DOCK11: variants seen among roughly 807,000 people sequenced by gnomAD.
The protein encoded by DOCK11 is dedicator of cytokinesis 11, also known as dedicator of cytokinesis protein 11.
A neutral mutation model predicts 169.1 loss-of-function variants in DOCK11; 70 were observed. That is an observed-to-expected ratio of 0.41 (90% CI 0.34 to 0.51). The LOEUF is 0.51. DOCK11 is among the 20% of genes least tolerant of loss of function. The pLI is 0.10. For synonymous variants in DOCK11, 529 were observed against 541.3 expected, an observed-to-expected ratio of 0.98 and a Z score of 0.32; for missense variants, 1,166 against 1,538.8, an observed-to-expected ratio of 0.76 and a Z score of 4.05.
At chrX:118,627,698 G>A in intron 33 of DOCK11, 119 bp downstream of exon 33, 4 of 520,926 alleles carry the variant, frequency 7.7e-6, no homozygotes, top group Non-Finnish European at 1.3e-5. Flanking sequence ...CTCTACTAAA[G>A]TTTAATTAAA....
intron 1 of DOCK11, among the ~76,000 whole-genome samples, chrX:118,536,720 G>A (rs970838497): frequency 9.0e-6 from 1 of 111,521 alleles, no homozygotes; most frequent in Non-Finnish European, 1.9e-5. Context: ...CCTTCCCCAC[G>A]AGACTGTGAA....
intron 1 of DOCK11, among the ~76,000 whole-genome samples, chrX:118,526,441 A>G (rs112549361): frequency 0.056 from 6,337 of 112,183 alleles, 388 homozygotes; most frequent in African/African-American, 0.17. Context: ...GAAAGATGCC[A>G]GAGTTTTACA....
intron 1 of DOCK11, among the ~76,000 whole-genome samples, chrX:118,536,025 A>G (rs1048357258): frequency 1.8e-5 from 2 of 112,170 alleles, no homozygotes; most frequent in Non-Finnish European, 3.8e-5. Context: ...AATTTCTTAC[A>G]GGCTGGACAC....
In DOCK11 at chrX:118,559,486, G is replaced by A. The variant is rs191338176; in HGVS notation, c.559-1897G>A. ...ATAATTACTGTGATAACTTTAAAAAGCAATGTGTTATACAAAGTTAGTGTT... is the reference window on the plus strand; with the variant it reads ...ATAATTACTGTGATAACTTTAAAAAACAATGTGTTATACAAAGTTAGTGTT... On this transcript the variant is annotated intron_variant, in intron 6 of 52. Coordinates refer to ENST00000276202, the MANE Select transcript of DOCK11 (RefSeq NM_144658.4). 4.8e-4 allele frequency among the ~76,000 whole-genome samples: 54 copies of A among 111,795 alleles called. 1 individual carries two copies. The highest frequency in any genetic ancestry group is 1.1e-4 in the Non-Finnish European group (6 of 53,153).
intron 32 of DOCK11, 127 bp downstream of exon 32, chrX:118,624,782 A>ATG: frequency 2.4e-6 from 1 of 413,002 alleles, no homozygotes; most frequent in Non-Finnish European, 4.1e-6. Context: ...TTTTTGAGCC[A>ATG]GAGTCTCGCT....
At chrX:118,569,091 C>CTTTTTTTTTTTTTTTTTTTTTT (rs1186200391) in intron 10 of DOCK11, among the ~76,000 whole-genome samples, 2 of 44,990 alleles carry the variant, frequency 4.4e-5, no homozygotes, top group East Asian at 9.8e-4. Flanking sequence ...TCTTTCTTTC[C>CTTTTTTTTTTTTTTTTTTTTTT]TTTTTTTTTT....
intron 32 of DOCK11, among the ~76,000 whole-genome samples, chrX:118,625,607 C>T (rs2015083993): frequency 8.9e-6 from 1 of 112,277 alleles, no homozygotes; most frequent in African/African-American, 3.2e-5. Flanking sequence ...TCGTTCTTAA[C>T]ATTTTCTGTT....
intron 41 of DOCK11, among the ~76,000 whole-genome samples, chrX:118,651,389 C>A (rs1262092217): frequency 9.0e-6 from 1 of 111,447 alleles, no homozygotes; most frequent in Non-Finnish European, 1.9e-5. Context: ...AACCAGTGAA[C>A]CAAGACCGTA....
intron 23 of DOCK11, 77 bp downstream of exon 23, chrX:118,599,305 A>G: frequency 1.3e-6 from 1 of 747,500 alleles, no homozygotes; most frequent in Non-Finnish European, 2.0e-6. Flanking sequence ...TGAAAAAAAA[A>G]AGCAAACAGA....
At chrX:118,532,807 G>T (rs1455484558) in intron 1 of DOCK11, among the ~76,000 whole-genome samples, 2 of 106,498 alleles carry the variant, frequency 1.9e-5, no homozygotes, top group Non-Finnish European at 3.9e-5. Context: ...AAGAAGGTGT[G>T]CCTGTTTAGT....
In DOCK11 at chrX:118,561,595, G is replaced by A. The variant is rs750289500; in HGVS notation, c.693+78G>A. On this transcript the variant is annotated intron_variant, in intron 7 of 52. Transcript: ENST00000276202. ...TTTTAAGAACCCCAGATGGTTGGGT[G>A]GGGTGGCTTATGCCTGTAATCCCAG... The A allele has an allele frequency of 2.6e-5, 27 of 1,037,352 alleles. No individual in the cohort carries two copies. The East Asian group carries it at 2.7e-4, about 10-fold the overall frequency. The allele number at this position is 1,037,352 out of a possible 1,213,427, so 85.5% of individuals were successfully genotyped here.
chrX:118,532,506 CG>C (rs1324614226), intron 1 of DOCK11, among the ~76,000 whole-genome samples: 30 of 108,917 alleles, frequency 2.8e-4, no homozygotes, highest in African/African-American at 9.7e-4. Context: ...GCCGGCCGGG[CG>C]GGGTGGCTCA....
chrX:118,574,665 T>A (rs2013389589), intron 12 of DOCK11, among the ~76,000 whole-genome samples: 1 of 112,002 alleles, frequency 8.9e-6, no homozygotes, highest in African/African-American at 3.2e-5. Context: ...AAAGTTTTGG[T>A]TTTTAAGAAA....
chrX:118,618,376 C>T lies in DOCK11; in HGVS notation c.3293-174C>T, dbSNP rs184918985. On this transcript the variant is annotated intron_variant, in intron 30 of 52. Coordinates refer to ENST00000276202, the MANE Select transcript of DOCK11 (RefSeq NM_144658.4). ...TAGCCCAAAATATGAGTGCTCCTGT[C>T]TTGTAAATTTTGCATGCTTATTCTA... 5.7e-3 allele frequency among the ~76,000 whole-genome samples: 640 copies of T among 111,921 alleles called. 6 individuals are homozygous for T. Among genetic ancestry groups the T allele is most frequent in the African/African-American group, 0.02 (618 of 30,851 alleles).
chrX:118,618,009 T>C (rs1455148590), intron 30 of DOCK11, among the ~76,000 whole-genome samples: 1 of 112,310 alleles, frequency 8.9e-6, no homozygotes, highest in Non-Finnish European at 1.9e-5. Flanking sequence ...AATGAGACTG[T>C]TTTCCTTATT....
At chrX:118,615,384 C>A (rs1020559383) in intron 29 of DOCK11, among the ~76,000 whole-genome samples, 5 of 111,937 alleles carry the variant, frequency 4.5e-5, no homozygotes, top group African/African-American at 1.6e-4. Context: ...GGGAACATTT[C>A]AAAATTTCAT....
At chrX:118,503,262 C>T (rs991070035) in intron 1 of DOCK11, among the ~76,000 whole-genome samples, 7 of 110,022 alleles carry the variant, frequency 6.4e-5, no homozygotes, top group African/African-American at 1.3e-4. Flanking sequence ...GGTTTCACCA[C>T]GTTGGCCAGG....
intron 38 of DOCK11, 134 bp downstream of exon 38, chrX:118,639,711 G>A: frequency 1.5e-6 from 1 of 660,443 alleles, no homozygotes; most frequent in Non-Finnish European, 2.2e-6. Flanking sequence ...AATATCACCT[G>A]TATCCCTTAA....
At chrX:118,523,469 AC>A (rs983889321) in intron 1 of DOCK11, among the ~76,000 whole-genome samples, 2 of 112,220 alleles carry the variant, frequency 1.8e-5, no homozygotes, top group Admixed American at 1.9e-4. Context: ...TTATGAAAAG[AC>A]AGTTTGGTAG....
Sources: gnomAD v4.1 joint callset for allele counts (sites outside exome capture counted in the v4.1 genomes callset) on GRCh38, gnomAD v4.1.1 for gene constraint, MANE v1.5 for transcripts, NCBI Gene and HGNC (gene_info 2026-07-23, HGNC 2026-07-21) for gene names.